The following AFF1 variants were observed in gnomAD, a reference collection of about 807,000 sequenced individuals.
AFF1 encodes ALF transcription elongation factor 1.
Under a neutral mutation model 121.7 loss-of-function variants are expected in AFF1, and 48 were observed. The observed-to-expected ratio is 0.39, with a 90% CI of 0.31 to 0.50. AFF1 has a LOEUF of 0.50. Ranked by LOEUF, AFF1 falls within the 20% of genes least tolerant of loss-of-function variation. The pLI is 0.76. For missense variants in AFF1, 1,523 were observed against 1,511.7 expected (o/e 1.01, Z -0.12); for synonymous variants, 613 against 563.0 (o/e 1.09, Z -1.26).
intron 4 of AFF1, among the ~76,000 whole-genome samples, chr4:87,049,052 A>AG (rs1731003043): frequency 7.2e-6 from 1 of 139,702 alleles, no homozygotes; most frequent in African/African-American, 2.6e-5. Context: ...TTCTTTATCA[A>AG]ATAGGGTTAG....
intron 2 of AFF1, among the ~76,000 whole-genome samples, chr4:87,000,810 G>GA (rs1280449608): frequency 1.3e-5 from 2 of 152,062 alleles, no homozygotes; most frequent in Non-Finnish European, 2.9e-5. Context: ...ATCAGGTAAA[G>GA]AAAAAAACAT....
chr4:87,068,267 C>CCG lies in AFF1; in HGVS notation c.1060-15853_1060-15852insCG, dbSNP rs931682412. Among the ~76,000 whole-genome samples, 59 of 147,522 alleles carry CCG rather than the reference C, an allele frequency of 4.0e-4. 4 individuals carry two copies. Among genetic ancestry groups the CCG allele is most frequent in the Admixed American group, 2.3e-3 (34 of 14,802 alleles). ...GTAAGCATGAAAATTGCCCCCCCCC[C>CCG]ACTCCATGAATAAATTGCCTTTATA... On this transcript the variant is annotated intron_variant, in intron 4 of 20. Transcript: ENST00000395146.
chr4:87,083,975 A>AGG (rs1293887698), intron 4 of AFF1, 145 bp from the exon 5 acceptor site: 6 of 704,786 alleles, frequency 8.5e-6, no homozygotes, highest in East Asian at 7.8e-5. Context: ...CATGTTGCCC[A>AGG]GGCTTCAAAT....
intron 2 of AFF1, among the ~76,000 whole-genome samples, chr4:86,968,427 G>GT (rs1722683833): frequency 6.6e-6 from 1 of 152,124 alleles, no homozygotes; most frequent in Admixed American, 6.5e-5. Context: ...TTAGGATGTA[G>GT]TTTTGAAAAT....
chr4:87,027,784 G>GTTTTTTTTT (rs35903702), intron 2 of AFF1, among the ~76,000 whole-genome samples: 15 of 90,600 alleles, frequency 1.7e-4, no homozygotes, highest in East Asian at 7.3e-4. Context: ...TTGCTGTTGG[G>GTTTTTTTTT]TTTTTTTTTT....
At chr4:87,086,111 C>T (rs111575405) in intron 5 of AFF1, among the ~76,000 whole-genome samples, 109 of 152,136 alleles carry the variant, frequency 7.2e-4, no homozygotes, top group Non-Finnish European at 1.0e-3. Flanking sequence ...TAAGTTACCT[C>T]GATTACATTT....
At chr4:87,075,526 G>A (rs1578200527) in intron 4 of AFF1, among the ~76,000 whole-genome samples, 1 of 152,082 alleles carries the variant, frequency 6.6e-6, no homozygotes, top group Non-Finnish European at 1.5e-5. Context: ...CTATCTCAAG[G>A]AAGCGTACGT....
At chr4:87,112,053 C>T (rs1726593669) in intron 11 of AFF1, among the ~76,000 whole-genome samples, 1 of 152,098 alleles carries the variant, frequency 6.6e-6, no homozygotes, top group African/African-American at 2.4e-5. Flanking sequence ...TAGATATAGC[C>T]AGTGGGTAAG....
intron 2 of AFF1, among the ~76,000 whole-genome samples, chr4:87,000,380 T>C (rs1349926389): frequency 6.6e-6 from 1 of 152,164 alleles, no homozygotes; most frequent in Non-Finnish European, 1.5e-5. Context: ...TCGGGTTGCA[T>C]CTTGGACCAG....
intron 1 of AFF1, among the ~76,000 whole-genome samples, chr4:86,945,651 C>T (rs911998934): frequency 2.0e-5 from 3 of 151,944 alleles, no homozygotes; most frequent in South Asian, 2.1e-4. Context: ...CAGGCATGTG[C>T]CACCATGCCC....
At chr4:87,085,711 A>G (rs1013392417) in intron 5 of AFF1, among the ~76,000 whole-genome samples, 5 of 149,968 alleles carry the variant, frequency 3.3e-5, no homozygotes, top group African/African-American at 1.2e-4. Context: ...TTTTGTAGTT[A>G]GGGTTTTCTG....
chr4:87,127,175 C>CG lies in AFF1; in HGVS notation c.2903+58_2903+59insG, dbSNP rs765174636. Reference sequence around the variant, plus strand: ...TTTGTTTTGTTTTGCTTCCCCCCCCCACCAAGATAGAGTCTCACTCTGTCA... The same window carrying CG: ...TTTGTTTTGTTTTGCTTCCCCCCCCCGACCAAGATAGAGTCTCACTCTGTCA... On this transcript the variant is annotated intron_variant, in intron 15 of 20. Coordinates refer to ENST00000395146, the MANE Select transcript of AFF1 (RefSeq NM_001166693.3). The CG allele has an allele frequency of 9.3e-5, 113 of 1,219,424 alleles. 4 individuals are homozygous for CG. Among genetic ancestry groups the CG allele is most frequent in the Admixed American group, 4.6e-4 (23 of 50,440 alleles). The allele number at this position is 1,219,424 out of a possible 1,614,324, so 75.5% of individuals were successfully genotyped here. A position where few individuals can be genotyped will look rare whatever the true frequency, so the allele number is the denominator to read the frequency against.
At chr4:86,963,341 A>G (rs989466810) in intron 2 of AFF1, among the ~76,000 whole-genome samples, 5 of 152,116 alleles carry the variant, frequency 3.3e-5, no homozygotes, top group African/African-American at 1.2e-4. Flanking sequence ...TCATTCATTC[A>G]TCAAAGACTT....
intron 2 of AFF1, among the ~76,000 whole-genome samples, chr4:87,012,653 A>G (rs929405476): frequency 2.0e-5 from 3 of 152,232 alleles, no homozygotes; most frequent in Non-Finnish European, 4.4e-5. Context: ...TCATTTGCTC[A>G]AAATAACACA....
At chr4:86,947,068 G>A (rs965761995) in intron 1 of AFF1, among the ~76,000 whole-genome samples, 1 of 152,204 alleles carries the variant, frequency 6.6e-6, no homozygotes, top group African/African-American at 2.4e-5. Context: ...CAGGGGTAGA[G>A]CTAGCGATGC....
intron 5 of AFF1, among the ~76,000 whole-genome samples, chr4:87,088,522 G>T (rs1723960934): frequency 1.3e-5 from 2 of 152,188 alleles, no homozygotes; most frequent in Non-Finnish European, 2.9e-5. Flanking sequence ...AAAGAATGAG[G>T]CGTTAGAATA....
At position 87,046,214 on chromosome 4, in the gene AFF1, A is replaced by T. The variant is rs780452938; in HGVS notation, c.87A>T (p.Arg29Ser). The T allele has an allele frequency of 3.1e-6, 5 of 1,613,954 alleles. No homozygotes were observed. Residue 29 changes from arginine (R) to serine (S), a missense_variant, in exon 3 of 21, where the codon AGA (arginine) becomes AGT (serine). Physicochemically the swap from Arg to Ser is moderately radical, Grantham distance 110. Transcript: ENST00000395146. The part of the protein sequence containing the change: ...RNLLRIREKE[R>S]RNQEAHQEKE... Reference sequence around the variant, plus strand: ...TGCTTCGAATTAGAGAGAAGGAAAGACGCAACCAGGAAGCCCACCAAGAGA... The same window carrying T: ...TGCTTCGAATTAGAGAGAAGGAAAGTCGCAACCAGGAAGCCCACCAAGAGA...
intron 1 of AFF1, among the ~76,000 whole-genome samples, chr4:86,945,999 T>G (rs1720831780): frequency 6.6e-6 from 1 of 152,208 alleles, no homozygotes; most frequent in African/African-American, 2.4e-5. Context: ...TACATTTTAT[T>G]TAGATCTTGC....
rs758500917 is a variant in AFF1 at position 87,114,579 on chromosome 4, C to T, written c.1746C>T (p.Pro582=). 1.3e-5 allele frequency: 21 copies of T among 1,561,370 alleles called. No individual in the cohort carries two copies. Among genetic ancestry groups the T allele is most frequent in the African/African-American group, 4.1e-5 (3 of 73,442 alleles). ...KSSSKAPRAP[P]EAPHPGKRSC... is the part of the protein sequence containing the mutation. ...CCAGCAAAGCCCCCCGGGCCCCACC[C>T]GAAGCCCCCCACCCCGGAAAGAGGA... The change falls in exon 12 of 21, where the codon CCC becomes CCT. Residue 582 remains proline, a synonymous_variant. Coordinates refer to ENST00000395146, the MANE Select transcript of AFF1 (RefSeq NM_001166693.3).
Sources: allele counts gnomAD v4.1 joint callset (sites outside exome capture counted in the v4.1 genomes callset), GRCh38; gene constraint gnomAD v4.1.1; transcripts MANE v1.5; gene names NCBI Gene and HGNC (gene_info 2026-07-23, HGNC 2026-07-21).